The following NKAIN3 variants were observed in gnomAD, a reference collection of about 807,000 sequenced individuals.
NKAIN3 encodes sodium/potassium-transporting ATPase subunit beta-1-interacting protein 3.
Under a neutral mutation model 30.2 loss-of-function variants are expected in NKAIN3, and 25 were observed. That is an observed-to-expected ratio of 0.83 (90% CI 0.60 to 1.16). The LOEUF (loss-of-function observed/expected upper bound fraction) is 1.16. Among genes scored for constraint, NKAIN3 ranks in the 50% most tolerant of loss-of-function variants. The pLI is 0.00. For missense variants in NKAIN3, 225 were observed against 254.1 expected, an observed-to-expected ratio of 0.89 and a Z score of 0.78; for synonymous variants, 91 against 89.6, an observed-to-expected ratio of 1.02 and a Z score of -0.09.
chr8:62,733,109 C>T (rs1267963948), intron 3 of NKAIN3, among the ~76,000 whole-genome samples: 2 of 152,036 alleles, frequency 1.3e-5, no homozygotes, highest in African/African-American at 4.8e-5. Context: ...TAAAACTTCA[C>T]CCTAAACTTT....
intron 3 of NKAIN3, among the ~76,000 whole-genome samples, chr8:62,729,049 A>AAAAAAAAAAAAAAAAAAAAG (rs1815381364): frequency 1.4e-5 from 2 of 142,460 alleles, no homozygotes; most frequent in African/African-American, 5.2e-5. Context: ...ACAAAAAAAA[A>AAAAAAAAAAAAAAAAAAAAG]AAACCTCCTG....
chr8:62,362,462 G>T (rs1816596960), intron 1 of NKAIN3, among the ~76,000 whole-genome samples: 1 of 152,148 alleles, frequency 6.6e-6, no homozygotes, highest in Non-Finnish European at 1.5e-5. Context: ...TGCAGGAAGG[G>T]CACAGTGAGC....
intron 1 of NKAIN3, 94 bp downstream of exon 1, chr8:62,249,221 G>T (rs1025548267): frequency 1.3e-5 from 14 of 1,104,354 alleles, no homozygotes; most frequent in African/African-American, 1.6e-5. Flanking sequence ...CCCGGCAAGG[G>T]GCGAACGGGT....
rs1432664155 is a variant in NKAIN3, at chr8:62,589,939, A to C, written c.273+145A>C. 1.1e-5 allele frequency: 5 copies of C among 468,928 alleles called. No individual in the cohort carries two copies. In the Admixed American group the frequency reaches 1.8e-4, roughly 17 times the overall value. 29.0% of individuals were successfully genotyped at this position (468,928 alleles called of 1,614,324 possible). ...TGTATAGAATGATAAAATACTATTC[A>C]AAGAAGACTTTAGGTACCACTTAGG... On this transcript the variant is annotated intron_variant, in intron 3 of 6. Coordinates refer to ENST00000623646, the MANE Select transcript of NKAIN3 (RefSeq NM_001304533.3).
intron 1 of NKAIN3, among the ~76,000 whole-genome samples, chr8:62,445,040 G>C (rs957554996): frequency 5.3e-5 from 8 of 152,038 alleles, no homozygotes; most frequent in Non-Finnish European, 1.2e-4. Context: ...CTGTCTCCTA[G>C]GTTCAAGTGA....
At chr8:62,273,475 A>G (rs1400623299) in intron 1 of NKAIN3, among the ~76,000 whole-genome samples, 1 of 152,214 alleles carries the variant, frequency 6.6e-6, no homozygotes, top group Non-Finnish European at 1.5e-5. Context: ...TCAGTGATAC[A>G]ATTGATAAAC....
chr8:62,661,594 C>T (rs866631751), intron 3 of NKAIN3, among the ~76,000 whole-genome samples: 3 of 152,002 alleles, frequency 2.0e-5, no homozygotes, highest in African/African-American at 7.2e-5. Context: ...CTCTAACAGA[C>T]CTGTTCCTCC....
chr8:62,375,489 T>G (rs1180750136), intron 1 of NKAIN3, among the ~76,000 whole-genome samples: 1 of 152,156 alleles, frequency 6.6e-6, no homozygotes, highest in African/African-American at 2.4e-5. Context: ...AAGACATAGT[T>G]TAGGCTACTT....
intron 1 of NKAIN3, among the ~76,000 whole-genome samples, chr8:62,518,887 T>C (rs1808072877): frequency 6.6e-6 from 1 of 152,126 alleles, no homozygotes; most frequent in Non-Finnish European, 1.5e-5. Flanking sequence ...AGAAGTGGCG[T>C]TAATGCCTGG....
chr8:62,667,635 A>G (rs1813168865), intron 3 of NKAIN3, among the ~76,000 whole-genome samples: 1 of 152,094 alleles, frequency 6.6e-6, no homozygotes, highest in East Asian at 1.9e-4. Context: ...CTGTTGCATT[A>G]GCCTCCAGCT....
chr8:62,620,047 C>G (rs998870123), intron 3 of NKAIN3, among the ~76,000 whole-genome samples: 2 of 152,040 alleles, frequency 1.3e-5, no homozygotes, highest in African/African-American at 4.8e-5. Flanking sequence ...GACACAGAAG[C>G]CTTATAAGAA....
intron 1 of NKAIN3, among the ~76,000 whole-genome samples, chr8:62,272,912 G>A (rs1409351503): frequency 3.9e-5 from 6 of 152,164 alleles, no homozygotes; most frequent in Non-Finnish European, 4.4e-5. Flanking sequence ...TTGTCAGTCT[G>A]AGAATCCATC....
intron 5 of NKAIN3, among the ~76,000 whole-genome samples, chr8:62,935,423 T>C (rs1822755067): frequency 6.6e-6 from 1 of 152,136 alleles, no homozygotes; most frequent in African/African-American, 2.4e-5. Flanking sequence ...TTGTATAAGG[T>C]AATGACACCC....
At chr8:62,573,876 TACAA>T (rs1345444818) in intron 1 of NKAIN3, among the ~76,000 whole-genome samples, 3 of 152,184 alleles carry the variant, frequency 2.0e-5, no homozygotes, top group Non-Finnish European at 1.5e-5. Context: ...TTCTTGTTGT[TACAA>T]ACAATCTAAT....
chr8:62,608,410 T>C (rs1811191351), intron 3 of NKAIN3, among the ~76,000 whole-genome samples: 1 of 152,186 alleles, frequency 6.6e-6, no homozygotes, highest in Admixed American at 6.5e-5. Flanking sequence ...TGGGGCTTTC[T>C]CAATTAAAGA....
At chr8:62,791,959 A>T (rs1024800032) in intron 4 of NKAIN3, among the ~76,000 whole-genome samples, 2 of 152,140 alleles carry the variant, frequency 1.3e-5, no homozygotes, top group African/African-American at 4.8e-5. Context: ...TTTGATATGT[A>T]TGCATTGTGA....
chr8:62,526,023 A>G (rs1449603023), intron 1 of NKAIN3, among the ~76,000 whole-genome samples: 2 of 152,104 alleles, frequency 1.3e-5, no homozygotes, highest in African/African-American at 4.8e-5. Flanking sequence ...GGTTTATGGG[A>G]GCGGATCCCA....
At chr8:62,919,227 ATTTTTTTTTTTTTTTTTTT>A (rs71255371) in intron 5 of NKAIN3, among the ~76,000 whole-genome samples, 5 of 47,190 alleles carry the variant, frequency 1.1e-4, no homozygotes, top group South Asian at 1.3e-3. Flanking sequence ...TACTTTCAAA[ATTTTTTTTTTTTTTTTTTT>A]TTTTTTTTTT....
intron 4 of NKAIN3, among the ~76,000 whole-genome samples, chr8:62,893,152 T>A (rs1821340242): frequency 6.6e-6 from 1 of 152,126 alleles, no homozygotes; most frequent in Non-Finnish European, 1.5e-5. Context: ...GCATAAAAGG[T>A]TGAGCTCAGG....
Sources: allele counts gnomAD v4.1 joint callset (sites outside exome capture counted in the v4.1 genomes callset), GRCh38; gene constraint gnomAD v4.1.1; transcripts MANE v1.5; gene names NCBI Gene and HGNC (gene_info 2026-07-23, HGNC 2026-07-21).